CSTPP1: variants seen among roughly 807,000 people sequenced by gnomAD.
The protein encoded by CSTPP1 is centriolar satellite-associated tubulin polyglutamylase complex regulator 1.
chr11:47,030,864 A>G, the CSTPP1 span, among the ~76,000 whole-genome samples: 303 of 152,246 alleles, frequency 2.0e-3, 1 homozygote, highest in Admixed American at 8.4e-3. Context: ...ATTCTTTTCT[A>G]TGGCTGCAGA....
At chr11:47,051,745 G>A in the CSTPP1 span, among the ~76,000 whole-genome samples, 2 of 146,574 alleles carry the variant, frequency 1.4e-5, no homozygotes, top group Non-Finnish European at 3.0e-5. Context: ...AGGCTGGAGT[G>A]CAGTGGCATG....
the CSTPP1 span, among the ~76,000 whole-genome samples, chr11:46,952,157 C>A: frequency 6.6e-6 from 1 of 152,166 alleles, no homozygotes; most frequent in Non-Finnish European, 1.5e-5. Flanking sequence ...TAATCCAAAT[C>A]CAGGATGTGA....
At chr11:47,151,690 T>C in the CSTPP1 span, among the ~76,000 whole-genome samples, 9 of 151,944 alleles carry the variant, frequency 5.9e-5, no homozygotes, top group African/African-American at 1.9e-4. Context: ...TCGGATCCAT[T>C]TGGCTTTTTA....
At chr11:47,007,730 T>C in the CSTPP1 span, among the ~76,000 whole-genome samples, 367 of 152,218 alleles carry the variant, frequency 2.4e-3, 1 homozygote, top group African/African-American at 8.1e-3. Context: ...ATACAGATAA[T>C]GTGAGGCCCA....
the CSTPP1 span, among the ~76,000 whole-genome samples, chr11:47,001,785 G>T: frequency 6.6e-6 from 1 of 151,902 alleles, no homozygotes; most frequent in African/African-American, 2.4e-5. Context: ...GATTTTTTAA[G>T]GATCATTCAC....
At chr11:47,045,090 GGAGTTT>G in the CSTPP1 span, among the ~76,000 whole-genome samples, 1 of 152,216 alleles carries the variant, frequency 6.6e-6, no homozygotes, top group African/African-American at 2.4e-5. Flanking sequence ...AGGAATGGCA[GGAGTTT>G]GACAGCAGTT....
the CSTPP1 span, among the ~76,000 whole-genome samples, chr11:47,017,260 C>T: frequency 1.3e-5 from 2 of 150,632 alleles, no homozygotes; most frequent in African/African-American, 2.4e-5. Flanking sequence ...CTGCAACCTC[C>T]ACTTCCCAGG....
chr11:47,031,699 T>C, the CSTPP1 span, among the ~76,000 whole-genome samples: 178 of 149,910 alleles, frequency 1.2e-3, no homozygotes, highest in African/African-American at 4.0e-3. Context: ...CCCATCTCTT[T>C]TTTTTTTTTT....
At chr11:47,150,543 G>A in the CSTPP1 span, among the ~76,000 whole-genome samples, 1 of 152,248 alleles carries the variant, frequency 6.6e-6, no homozygotes, top group Non-Finnish European at 1.5e-5. Context: ...GTAGCAGGGG[G>A]GCCTATTCTA....
chr11:47,000,833 G>T, the CSTPP1 span, among the ~76,000 whole-genome samples: 1 of 152,160 alleles, frequency 6.6e-6, no homozygotes, highest in African/African-American at 2.4e-5. Flanking sequence ...CTGTGTGCTA[G>T]GCACTGTTCT....
chr11:46,947,504 T>C, the CSTPP1 span, among the ~76,000 whole-genome samples: 1 of 152,240 alleles, frequency 6.6e-6, no homozygotes, highest in African/African-American at 2.4e-5. Context: ...AACAAAGCAA[T>C]TACTGCTGAA....
the CSTPP1 span, among the ~76,000 whole-genome samples, chr11:47,016,249 G>A: frequency 6.6e-6 from 1 of 151,864 alleles, no homozygotes; most frequent in Non-Finnish European, 1.5e-5. Context: ...TCAGGAACAG[G>A]GCAACGATTT....
At chr11:47,054,468 A>G in the CSTPP1 span, among the ~76,000 whole-genome samples, 1 of 151,930 alleles carries the variant, frequency 6.6e-6, no homozygotes. Flanking sequence ...CATGCCTACC[A>G]TACCTAGCTA....
At chr11:46,986,029 G>T in the CSTPP1 span, among the ~76,000 whole-genome samples, 1 of 152,142 alleles carries the variant, frequency 6.6e-6, no homozygotes, top group African/African-American at 2.4e-5. Context: ...CACTAAATCT[G>T]GGACAGTGCC....
At chr11:47,078,268 T>G in the CSTPP1 span, among the ~76,000 whole-genome samples, 2 of 152,138 alleles carry the variant, frequency 1.3e-5, no homozygotes, top group African/African-American at 4.8e-5. Flanking sequence ...TGGGGTGAAA[T>G]GAGTTATAAC....
the CSTPP1 span, among the ~76,000 whole-genome samples, chr11:47,066,504 G>A: frequency 6.6e-6 from 1 of 152,074 alleles, no homozygotes; most frequent in African/African-American, 2.4e-5. Context: ...TTGTGTCCCA[G>A]GCTTCCAGGA....
At chr11:46,961,200 T>C in the CSTPP1 span, among the ~76,000 whole-genome samples, 2 of 152,230 alleles carry the variant, frequency 1.3e-5, no homozygotes, top group Admixed American at 1.3e-4. Context: ...ATATGAGGGT[T>C]CTAATTTCTC....
At chr11:46,953,798 C>T in the CSTPP1 span, among the ~76,000 whole-genome samples, 4 of 152,212 alleles carry the variant, frequency 2.6e-5, no homozygotes, top group East Asian at 1.9e-4. Context: ...ATCTTAAAAC[C>T]GCTTCACATG....
the CSTPP1 span, among the ~76,000 whole-genome samples, chr11:46,963,439 T>G: frequency 1.3e-5 from 2 of 152,050 alleles, no homozygotes; most frequent in African/African-American, 4.8e-5. Context: ...CAGTGATATT[T>G]TAGCAGAGGT....
Sources: gnomAD v4.1 joint callset for allele counts (sites outside exome capture counted in the v4.1 genomes callset) on GRCh38, gnomAD v4.1.1 for gene constraint, MANE v1.5 for transcripts, NCBI Gene and HGNC (gene_info 2026-07-23, HGNC 2026-07-21) for gene names.